The following CDKAL1 variants were observed in gnomAD, a reference collection of about 807,000 sequenced individuals.
CDKAL1 encodes threonylcarbamoyladenosine tRNA methylthiotransferase.
In CDKAL1, 32 loss-of-function variants were observed where a neutral mutation model predicts 68.2. That is an observed-to-expected ratio of 0.47 (90% CI 0.35 to 0.63). CDKAL1 has a LOEUF of 0.63. CDKAL1 is among the 30% of genes least tolerant of loss of function. The probability of loss-of-function intolerance (pLI) is 0.00; values close to 1 mark genes in which losing one functional copy is unlikely to be tolerated. For synonymous variants in CDKAL1, 234 were observed against 244.3 expected (o/e 0.96, Z 0.39); for missense variants, 606 against 696.7 (o/e 0.87, Z 1.47).
intron 5 of CDKAL1, among the ~76,000 whole-genome samples, chr6:20,730,423 A>G (rs1772859279): frequency 6.7e-6 from 1 of 148,548 alleles, no homozygotes; most frequent in East Asian, 2.1e-4. Flanking sequence ...GAAAGAAAAG[A>G]AAGGAAGAAA....
At chr6:20,712,910 G>C (rs1462228991) in intron 5 of CDKAL1, among the ~76,000 whole-genome samples, 1 of 152,152 alleles carries the variant, frequency 6.6e-6, no homozygotes, top group Non-Finnish European at 1.5e-5. Flanking sequence ...AAAGTGCTGG[G>C]ATTACAGGCC....
intron 4 of CDKAL1, among the ~76,000 whole-genome samples, chr6:20,606,445 G>A (rs571731354): frequency 2.0e-5 from 3 of 152,308 alleles, no homozygotes; most frequent in Admixed American, 6.5e-5. Context: ...CTGCAGGTTT[G>A]TGTCCATAGA....
chr6:21,109,536 A>G (rs1774019239), intron 13 of CDKAL1, among the ~76,000 whole-genome samples: 1 of 152,248 alleles, frequency 6.6e-6, no homozygotes, highest in Non-Finnish European at 1.5e-5. Flanking sequence ...AGAGATGTTT[A>G]TGCTTCATGT....
intron 15 of CDKAL1, among the ~76,000 whole-genome samples, chr6:21,227,092 T>C (rs566613695): frequency 1.5e-4 from 23 of 152,404 alleles, no homozygotes; most frequent in African/African-American, 5.5e-4. Context: ...ATTTCAGGAA[T>C]TGACAATCTT....
intron 13 of CDKAL1, among the ~76,000 whole-genome samples, chr6:21,187,392 C>G (rs1778058513): frequency 6.6e-6 from 1 of 152,210 alleles, no homozygotes; most frequent in African/African-American, 2.4e-5. Flanking sequence ...CAATCCAGCT[C>G]TGAATTCATG....
chr6:21,170,814 G>A (rs1028522996), intron 13 of CDKAL1, among the ~76,000 whole-genome samples: 4 of 152,162 alleles, frequency 2.6e-5, no homozygotes, highest in African/African-American at 4.8e-5. Context: ...AACCTCCCCA[G>A]ACAGATTCCA....
intron 12 of CDKAL1, among the ~76,000 whole-genome samples, chr6:21,069,788 T>C (rs1332611725): frequency 9.3e-5 from 7 of 75,000 alleles, no homozygotes; most frequent in African/African-American, 2.8e-4. Flanking sequence ...TTTTTTTTTT[T>C]TTTTTTTTTT....
At chr6:20,915,803 T>A (rs1416522005) in intron 9 of CDKAL1, among the ~76,000 whole-genome samples, 1 of 152,204 alleles carries the variant, frequency 6.6e-6, no homozygotes, top group Non-Finnish European at 1.5e-5. Context: ...ATAACCCATA[T>A]GTCTTTCAAC....
rs189827480 is a variant in CDKAL1 at position 21,184,488 on chromosome 6, G to A, written c.1300-13533G>A. On this transcript the variant is annotated intron_variant, in intron 13 of 15. Coordinates refer to ENST00000274695, the MANE Select transcript of CDKAL1 (RefSeq NM_017774.3). Reference sequence around the variant, plus strand: ...TGGGATTACAGGCGTGAGCCACCACGCAGAAACCAGCTCTTACATGCTGAG... The same window carrying A: ...TGGGATTACAGGCGTGAGCCACCACACAGAAACCAGCTCTTACATGCTGAG... 3.5e-4 allele frequency among the ~76,000 whole-genome samples: 53 copies of A among 151,918 alleles called. 1 individual carries two copies. In the East Asian group the frequency reaches 8.3e-3, roughly 24 times the overall value.
At chr6:21,028,494 C>T (rs747795287) in intron 11 of CDKAL1, among the ~76,000 whole-genome samples, 2 of 152,188 alleles carry the variant, frequency 1.3e-5, no homozygotes, top group Non-Finnish European at 2.9e-5. Flanking sequence ...CAGATGGCTG[C>T]CTTCTTCCTG....
chr6:21,186,183 C>G (rs1165085262), intron 13 of CDKAL1, among the ~76,000 whole-genome samples: 1 of 152,144 alleles, frequency 6.6e-6, no homozygotes, highest in Non-Finnish European at 1.5e-5. Context: ...GCTAATTAGA[C>G]ACCATTAGAG....
intron 7 of CDKAL1, among the ~76,000 whole-genome samples, chr6:20,773,792 C>T (rs1048910265): frequency 2.6e-5 from 4 of 152,052 alleles, no homozygotes; most frequent in Admixed American, 6.6e-5. Flanking sequence ...ATGATCTGCC[C>T]GCCTCGGCCT....
chr6:21,229,151 C>CTGTT (rs1163791406), intron 15 of CDKAL1, among the ~76,000 whole-genome samples: 1 of 152,142 alleles, frequency 6.6e-6, no homozygotes, highest in Non-Finnish European at 1.5e-5. Context: ...GTTAATTCTG[C>CTGTT]TGTTAGCCTT....
At chr6:20,838,458 T>C (rs2150479459) in intron 8 of CDKAL1, among the ~76,000 whole-genome samples, 1 of 152,292 alleles carries the variant, frequency 6.6e-6, no homozygotes, top group Admixed American at 6.5e-5. Flanking sequence ...TAGCCTTAAT[T>C]TTTGTCTGCT....
intron 9 of CDKAL1, among the ~76,000 whole-genome samples, chr6:20,872,971 C>G (rs1027018916): frequency 9.2e-5 from 14 of 152,038 alleles, no homozygotes; most frequent in African/African-American, 3.4e-4. Flanking sequence ...AACTAGAGAT[C>G]AAAAAAGGAG....
chr6:21,118,116 C>T (rs1361825234), intron 13 of CDKAL1, among the ~76,000 whole-genome samples: 1 of 152,098 alleles, frequency 6.6e-6, no homozygotes, highest in Non-Finnish European at 1.5e-5. Flanking sequence ...CCCTACCCCC[C>T]AGAAGGTTCA....
At chr6:20,878,757 C>T (rs535355877) in intron 9 of CDKAL1, among the ~76,000 whole-genome samples, 1 of 144,688 alleles carries the variant, frequency 6.9e-6, no homozygotes, top group Admixed American at 7.0e-5. Flanking sequence ...AATAGCTAAC[C>T]ATAGCAACTC....
intron 4 of CDKAL1, 104 bp from the exon 5 acceptor site, chr6:20,649,189 C>G: frequency 1.4e-6 from 1 of 726,524 alleles, no homozygotes; most frequent in Non-Finnish European, 2.4e-6. Context: ...TCATTTTACT[C>G]CACTGTTTTT....
At chr6:20,683,311 C>T (rs1187515210) in intron 5 of CDKAL1, among the ~76,000 whole-genome samples, 9 of 152,080 alleles carry the variant, frequency 5.9e-5, no homozygotes, top group African/African-American at 1.4e-4. Flanking sequence ...CTCAAATATT[C>T]AGAAGATGTT....
Sources: allele counts gnomAD v4.1 joint callset (sites outside exome capture counted in the v4.1 genomes callset), GRCh38; gene constraint gnomAD v4.1.1; transcripts MANE v1.5; gene names NCBI Gene and HGNC (gene_info 2026-07-23, HGNC 2026-07-21).